PNPT1: variants seen among roughly 807,000 people sequenced by gnomAD.
The protein encoded by PNPT1 is polyribonucleotide nucleotidyltransferase 1.
PNPT1 carries 53 observed loss-of-function variants against 119.5 expected under a neutral mutation model. The ratio of observed to expected loss-of-function variants is 0.44; its 90% CI spans 0.36 to 0.56. PNPT1 has a LOEUF of 0.56. Ranked by LOEUF, PNPT1 falls within the 20% of genes least tolerant of loss-of-function variation. PNPT1 has a pLI of 0.00. For synonymous variants in PNPT1, 357 were observed against 322.1 expected (o/e 1.11, Z -1.16); for missense variants, 948 against 938.5 (o/e 1.01, Z -0.13).
intron 11 of PNPT1, among the ~76,000 whole-genome samples, chr2:55,669,477 G>C (rs1316165414): frequency 6.6e-6 from 1 of 152,116 alleles, no homozygotes; most frequent in Non-Finnish European, 1.5e-5. Context: ...CTTCAGAAAA[G>C]AATAATTTTT....
intron 18 of PNPT1, among the ~76,000 whole-genome samples, chr2:55,650,299 C>A (rs910287828): frequency 6.6e-6 from 1 of 152,206 alleles, no homozygotes; most frequent in Non-Finnish European, 1.5e-5. Context: ...CGCGCCGCCA[C>A]GCCTGACTGG....
Position 55,644,654 on chromosome 2 carries a change from T to C in PNPT1, c.1889A>G (p.Lys630Arg). Reference protein sequence around the residue: ...FVGPGGYNLKKLQAETGVTIS... With the variant: ...FVGPGGYNLKRLQAETGVTIS... ...ACTCTTACCTGTTTCAGCCTGAAGT[T>C]TTTTTAAGTTATAGCCACCAGGTCC... Residue 630 changes from lysine (K) to arginine (R), a missense_variant, in exon 23 of 28, where the codon AAA (lysine) becomes AGA (arginine). Physicochemically the swap from Lys to Arg is conservative, Grantham distance 26. Transcript: ENST00000447944. 1.2e-6 allele frequency: 2 copies of C among 1,610,634 alleles called. No individual in the cohort carries two copies. The highest frequency in any genetic ancestry group is 1.7e-6 in the Non-Finnish European group (2 of 1,177,142).
At chr2:55,672,771 A>T (rs1420078281) in intron 9 of PNPT1, 122 bp downstream of exon 9, 1 of 938,974 alleles carries the variant, frequency 1.1e-6, no homozygotes, top group Non-Finnish European at 1.6e-6. Context: ...AATGACTCTT[A>T]AAACAGAAAA....
At chr2:55,653,916 T>C (rs1331826037) in intron 18 of PNPT1, among the ~76,000 whole-genome samples, 1 of 152,142 alleles carries the variant, frequency 6.6e-6, no homozygotes, top group Admixed American at 6.6e-5. Context: ...CTTCTCTCTT[T>C]CTTCTCGAAT....
rs1559087084 is a variant in PNPT1 at position 55,643,401 on chromosome 2, TCATC to T, written c.1927_1930del (p.Asp643LysfsTer33). The T allele has an allele frequency of 6.2e-7, 1 of 1,614,056 alleles. No individual in the cohort carries two copies. Among genetic ancestry groups the T allele is most frequent in the Non-Finnish European group, 8.5e-7 (1 of 1,180,022 alleles). ...TGGTGCAAATACAGAAAACGTTTCT[TCATC>T]CACCTGACTAATAGTTACACCTTTT... is the stretch of plus-strand genomic sequence containing the variant. On this transcript the variant is annotated frameshift_variant, in exon 24 of 28. Coordinates refer to ENST00000447944, the MANE Select transcript of PNPT1 (RefSeq NM_033109.5). LOFTEE classifies it high-confidence loss of function.
Position 55,671,361 on chromosome 2 carries a change from C to A in PNPT1, c.934G>T (p.Ala312Ser). 1 of 1,532,398 alleles carries A rather than the reference C, an allele frequency of 6.5e-7. No homozygotes were observed. Among genetic ancestry groups the A allele is most frequent in the Non-Finnish European group, 8.8e-7 (1 of 1,136,554 alleles). 94.9% of individuals were successfully genotyped at this position (1,532,398 alleles called of 1,614,324 possible). The change falls in exon 11 of 28, where the codon GCT becomes TCT. Residue 312 changes from alanine to serine, a missense_variant. By Grantham distance (99) the Ala-to-Ser change is moderately conservative. Transcript: ENST00000447944. ...YEHDKVSRDE[A>S]VNKIRLDTEE... The stretch of plus-strand genomic sequence containing the variant: ...GTATCTAATCTTATTTTGTTAACAG[C>A]TTCATCTCTGGAAACCTAAAAGAAA...
intron 26 of PNPT1, 50 bp downstream of exon 26, chr2:55,640,577 G>T: frequency 1.4e-6 from 2 of 1,401,040 alleles, no homozygotes; most frequent in Non-Finnish European, 2.0e-6. Flanking sequence ...TTTCAATACA[G>T]TGTTTCAAGG....
chr2:55,666,206 C>T (rs144893151), intron 13 of PNPT1, among the ~76,000 whole-genome samples: 1 of 152,262 alleles, frequency 6.6e-6, no homozygotes, highest in East Asian at 1.9e-4. Context: ...GAAGGCATTA[C>T]AAAAAGGCAT....
In PNPT1 at chr2:55,683,665, AT is replaced by A; in HGVS notation, c.453+119del. ...TTTTTTCAAAAACGTAATGTAAAAT[AT>A]AACAGTATCATAAAAAATTCTTATG... is the stretch of plus-strand genomic sequence containing the variant. On this transcript the variant is annotated intron_variant, in intron 5 of 27. Transcript: ENST00000447944. The A allele has an allele frequency of 3.4e-6, 3 of 886,080 alleles. No individual in the cohort carries two copies. The South Asian group carries it at 5.5e-5, about 16-fold the overall frequency. The allele number at this position is 886,080 out of a possible 1,614,324, so 54.9% of individuals were successfully genotyped here.
At position 55,636,161 on chromosome 2, in the gene PNPT1, ATAC is replaced by A. The variant is rs1695663916; in HGVS notation, c.*73_*75del. 2 of 1,031,176 alleles carry A rather than the reference ATAC, an allele frequency of 1.9e-6. No homozygotes were observed. The highest frequency in any genetic ancestry group is 2.8e-5 in the Admixed American group (1 of 35,662). 63.9% of individuals were successfully genotyped at this position (1,031,176 alleles called of 1,614,324 possible). A position where few individuals can be genotyped will look rare whatever the true frequency, so the allele number is the denominator to read the frequency against. Reference sequence around the variant, plus strand: ...TATATAGAAATCTACACAATGGAAGATACTACTAAAATGTTGCTCTACAGCACA... The same window carrying A: ...TATATAGAAATCTACACAATGGAAGATACTAAAATGTTGCTCTACAGCACA... On this transcript the variant is annotated 3_prime_UTR_variant, in exon 28 of 28. Transcript: ENST00000447944.
At chr2:55,688,517 G>A (rs1697490116) in intron 1 of PNPT1, among the ~76,000 whole-genome samples, 1 of 151,994 alleles carries the variant, frequency 6.6e-6, no homozygotes, top group Non-Finnish European at 1.5e-5. Context: ...CCGAGGTCAG[G>A]AGTTCAAGAC....
At chr2:55,654,061 A>G (rs992647945) in intron 18 of PNPT1, among the ~76,000 whole-genome samples, 4 of 152,154 alleles carry the variant, frequency 2.6e-5, no homozygotes, top group Non-Finnish European at 5.9e-5. Context: ...GTTCGAGGTC[A>G]GCCTGGCCAA....
In PNPT1 at chr2:55,644,668, G is replaced by A; in HGVS notation, c.1875C>T (p.Gly625=). 2 of 1,612,120 alleles carry A rather than the reference G, an allele frequency of 1.2e-6. No homozygotes were observed. Among genetic ancestry groups the A allele is most frequent in the Non-Finnish European group, 1.7e-6 (2 of 1,178,678 alleles). The change falls in exon 23 of 28, where the codon GGC becomes GGT. Residue 625 remains glycine, a synonymous_variant. Coordinates refer to ENST00000447944, the MANE Select transcript of PNPT1 (RefSeq NM_033109.5). ...SKRAKFVGPG[G]YNLKKLQAET... ...CAGCCTGAAGTTTTTTTAAGTTATA[G>A]CCACCAGGTCCAACAAATTTTGCTC...
intron 5 of PNPT1, among the ~76,000 whole-genome samples, chr2:55,682,493 T>C (rs1451501671): frequency 6.6e-6 from 1 of 152,022 alleles, no homozygotes; most frequent in Non-Finnish European, 1.5e-5. Flanking sequence ...TAAGCATAGA[T>C]GAAACAAACT....
intron 25 of PNPT1, among the ~76,000 whole-genome samples, chr2:55,641,344 C>A (rs1002882909): frequency 1.4e-5 from 2 of 140,036 alleles, no homozygotes; most frequent in African/African-American, 5.4e-5. Flanking sequence ...TCTGGGCTCA[C>A]TGCAACCTCC....
At chr2:55,655,920 G>C (rs1413201658) in intron 17 of PNPT1, among the ~76,000 whole-genome samples, 1 of 152,118 alleles carries the variant, frequency 6.6e-6, no homozygotes, top group African/African-American at 2.4e-5. Flanking sequence ...AACAGATAAA[G>C]AAAAACATTT....
intron 13 of PNPT1, among the ~76,000 whole-genome samples, chr2:55,666,202 A>G (rs1200440667): frequency 1.3e-5 from 2 of 152,208 alleles, no homozygotes; most frequent in African/African-American, 4.8e-5. Context: ...GGAAGAAGGC[A>G]TTACAAAAAG....
Position 55,636,244 on chromosome 2 carries a change from G to A in PNPT1, c.2345C>T (p.Ser782Phe). 2.5e-6 allele frequency: 4 copies of A among 1,605,058 alleles called. No homozygotes were observed. The South Asian group carries it at 3.4e-5, about 14-fold the overall frequency. ...TCTCTTTAAAAAAAAAAATCACTGAGAATTAGATGATGACTGTGAAATAGG... is the reference window on the plus strand; with the variant it reads ...TCTCTTTAAAAAAAAAAATCACTGAAAATTAGATGATGACTGTGAAATAGG... ...GEPISQSSSN[S>F]Q is the part of the protein sequence containing the mutation. Residue 782 changes from serine to phenylalanine, a missense_variant, in exon 28 of 28, where the codon TCT becomes TTT. Transcript: ENST00000447944.
intron 11 of PNPT1, among the ~76,000 whole-genome samples, chr2:55,668,854 C>A (rs1696819679): frequency 6.6e-6 from 1 of 152,152 alleles, no homozygotes; most frequent in Non-Finnish European, 1.5e-5. Context: ...CCTGCCTTGG[C>A]CTCCCAAAGT....
Sources: gnomAD v4.1 joint callset for allele counts (sites outside exome capture counted in the v4.1 genomes callset) on GRCh38, gnomAD v4.1.1 for gene constraint, MANE v1.5 for transcripts, NCBI Gene and HGNC (gene_info 2026-07-23, HGNC 2026-07-21) for gene names.